The following ADAMTSL1 variants were observed in gnomAD, a reference collection of about 807,000 sequenced individuals.
The protein encoded by ADAMTSL1 is ADAMTS like 1.
In ADAMTSL1, 126 loss-of-function variants were observed where a neutral mutation model predicts 201.8. The observed-to-expected ratio is 0.62, with a 90% CI of 0.54 to 0.72. ADAMTSL1 has a LOEUF of 0.72. ADAMTSL1 is among the 30% of genes least tolerant of loss of function. ADAMTSL1 has a pLI of 0.00. For synonymous variants in ADAMTSL1, 1,121 were observed against 903.4 expected (o/e 1.24, Z -4.32); for missense variants, 2,679 against 2,277.8 (o/e 1.18, Z -3.59).
intron 1 of ADAMTSL1, among the ~76,000 whole-genome samples, chr9:18,500,499 T>C (rs574886186): frequency 6.6e-6 from 1 of 152,298 alleles, no homozygotes; most frequent in South Asian, 2.1e-4. Flanking sequence ...TTCAGGAGTC[T>C]TATCCAACAC....
chr9:18,053,904 A>G (rs1393998500), intron 1 of ADAMTSL1, among the ~76,000 whole-genome samples: 1 of 152,044 alleles, frequency 6.6e-6, no homozygotes, highest in Non-Finnish European at 1.5e-5. Flanking sequence ...TTTTTCTTTT[A>G]TTGTTGGTGT....
intron 2 of ADAMTSL1, among the ~76,000 whole-genome samples, chr9:18,287,592 T>TAC (rs61354234): frequency 3.2e-5 from 3 of 94,292 alleles, no homozygotes; most frequent in Admixed American, 2.8e-4. Context: ...TGTGTATATA[T>TAC]ACACACATAT....
chr9:18,662,181 T>C (rs1405262508), intron 9 of ADAMTSL1, 108 bp downstream of exon 9: 26 of 1,370,908 alleles, frequency 1.9e-5, no homozygotes, highest in African/African-American at 3.0e-5. Context: ...AAATTAAACA[T>C]CAATAGTGTT....
chr9:18,323,770 C>G (rs1834719809), intron 2 of ADAMTSL1, among the ~76,000 whole-genome samples: 1 of 152,112 alleles, frequency 6.6e-6, no homozygotes, highest in African/African-American at 2.4e-5. Flanking sequence ...ATACATTTAA[C>G]AAAATATATG....
At chr9:18,482,042 C>A (rs1246558787) in intron 1 of ADAMTSL1, among the ~76,000 whole-genome samples, 1 of 152,176 alleles carries the variant, frequency 6.6e-6, no homozygotes, top group Non-Finnish European at 1.5e-5. Flanking sequence ...TCTGTCAGTG[C>A]AATTACTATA....
At chr9:18,908,034 C>A in intron 28 of ADAMTSL1, 1 of 250,296 alleles carries the variant, frequency 4.0e-6, no homozygotes, top group South Asian at 4.6e-5. Flanking sequence ...TGGGAACCAT[C>A]TTGAGGAGGA....
At chr9:17,974,051 C>G (rs2811812) in intron 1 of ADAMTSL1, among the ~76,000 whole-genome samples, 122,444 of 151,996 alleles carry the variant, frequency 0.81, 49,682 homozygotes, top group East Asian at 0.92. Flanking sequence ...AACAACCCTT[C>G]ATGCTAAAAA....
At chr9:18,625,604 A>G (rs1826314018) in intron 5 of ADAMTSL1, among the ~76,000 whole-genome samples, 2 of 152,168 alleles carry the variant, frequency 1.3e-5, no homozygotes, top group African/African-American at 4.8e-5. Flanking sequence ...AAATAGTCAA[A>G]TATAGCTGAC....
chr9:18,889,331 TGGTGA>T (rs1447867880), intron 24 of ADAMTSL1, among the ~76,000 whole-genome samples: 2 of 152,184 alleles, frequency 1.3e-5, no homozygotes, highest in Non-Finnish European at 2.9e-5. Context: ...CACAATAACT[TGGTGA>T]GGTGAGGTTC....
chr9:18,125,411 G>A (rs568354655), intron 1 of ADAMTSL1, among the ~76,000 whole-genome samples: 4 of 152,234 alleles, frequency 2.6e-5, no homozygotes, highest in African/African-American at 9.6e-5. Flanking sequence ...TTTGGGTAGG[G>A]ACACACCCAA....
At chr9:18,721,487 C>T (rs1419897264) in intron 14 of ADAMTSL1, 49 bp from the exon 15 acceptor site, 2 of 1,602,858 alleles carry the variant, frequency 1.2e-6, no homozygotes, top group East Asian at 2.2e-5. Context: ...TCACCCCCCA[C>T]ACACACACCC....
In ADAMTSL1 at chr9:18,907,209, T is replaced by C. The variant is rs1277792001; in HGVS notation, c.5182+297T>C. 3 of 418,812 alleles carry C rather than the reference T, an allele frequency of 7.2e-6. No individual in the cohort carries two copies. In the East Asian group the frequency reaches 1.5e-4, roughly 21 times the overall value. 25.9% of individuals were successfully genotyped at this position (418,812 alleles called of 1,614,324 possible). ...GCCTCCAGTTCCCCTGCAGTCAGTC[T>C]GGCTGGTGCCCACAGGGTCTGACTC... On this transcript the variant is annotated intron_variant, in intron 28 of 28. Coordinates refer to ENST00000380548, the MANE Select transcript of ADAMTSL1 (RefSeq NM_001040272.6).
chr9:18,551,198 C>T (rs1820779875), intron 3 of ADAMTSL1, among the ~76,000 whole-genome samples: 2 of 151,846 alleles, frequency 1.3e-5, no homozygotes, highest in African/African-American at 4.8e-5. Context: ...GCTTCATATC[C>T]TTGCCAGTGC....
intron 2 of ADAMTSL1, chr9:18,164,122 G>A (rs1288963469): frequency 6.6e-6 from 1 of 152,014 alleles, no homozygotes; most frequent in Non-Finnish European, 1.5e-5. Context: ...GGGAGGCAAA[G>A]TGTAGGGCAG....
rs1040060346 is a variant in ADAMTSL1, at chr9:18,748,515, A to T, written c.2007-4783A>T. Among the ~76,000 whole-genome samples the T allele has an allele frequency of 2.0e-5, 3 of 152,318 alleles. No homozygotes were observed. The South Asian group carries it at 6.2e-4, about 32-fold the overall frequency. On this transcript the variant is annotated intron_variant, in intron 15 of 28. Coordinates refer to ENST00000380548, the MANE Select transcript of ADAMTSL1 (RefSeq NM_001040272.6). Reference sequence around the variant, plus strand: ...AAGTGGGATGCAGCCTGTCAAAAGCATGTCAATTCAGATCCAGTTTGTCAC... The same window carrying T: ...AAGTGGGATGCAGCCTGTCAAAAGCTTGTCAATTCAGATCCAGTTTGTCAC...
At chr9:18,495,205 T>A (rs1488195434) in intron 1 of ADAMTSL1, among the ~76,000 whole-genome samples, 1 of 152,066 alleles carries the variant, frequency 6.6e-6, no homozygotes, top group Non-Finnish European at 1.5e-5. Context: ...CCTCTAAAGG[T>A]GTTGCTGACT....
chr9:18,579,448 A>G (rs1822954834), intron 4 of ADAMTSL1, among the ~76,000 whole-genome samples: 1 of 151,456 alleles, frequency 6.6e-6, no homozygotes, highest in Non-Finnish European at 1.5e-5. Flanking sequence ...ATACATATGT[A>G]ACTAACCTGC....
rs1372560276 is a variant in ADAMTSL1, at chr9:18,681,844, C to A, written c.1374C>A (p.Tyr458Ter). 1 of 1,613,614 alleles carries A rather than the reference C, an allele frequency of 6.2e-7. No homozygotes were observed. The highest frequency in any genetic ancestry group is 1.7e-5 in the Admixed American group (1 of 59,998). ...CTVTCGQGLR[Y>*]RVVLCIDHRG... Reference sequence around the variant, plus strand: ...TGACATGTGGCCAGGGCCTCAGATACCGTGTGGTCCTCTGCATCGACCATC... The same window carrying A: ...TGACATGTGGCCAGGGCCTCAGATAACGTGTGGTCCTCTGCATCGACCATC... The change falls in exon 12 of 29, where the codon TAC (tyrosine) becomes TAA (stop). Residue 458 changes from tyrosine to a stop codon, truncating the protein, a stop_gained. Coordinates refer to ENST00000380548, the MANE Select transcript of ADAMTSL1 (RefSeq NM_001040272.6). LOFTEE classifies it high-confidence loss of function.
At chr9:18,000,387 C>T (rs1242805071) in intron 1 of ADAMTSL1, among the ~76,000 whole-genome samples, 1 of 151,878 alleles carries the variant, frequency 6.6e-6, no homozygotes, top group East Asian at 1.9e-4. Flanking sequence ...TAATAAAAAC[C>T]AGTCATCCTG....
Sources: gnomAD v4.1 joint callset for allele counts (sites outside exome capture counted in the v4.1 genomes callset) on GRCh38, gnomAD v4.1.1 for gene constraint, MANE v1.5 for transcripts, NCBI Gene and HGNC (gene_info 2026-07-23, HGNC 2026-07-21) for gene names.